The following NEK11 variants were observed in gnomAD, a reference collection of about 807,000 sequenced individuals.
NEK11 encodes serine/threonine-protein kinase Nek11.
Under a neutral mutation model 80.7 loss-of-function variants are expected in NEK11, and 72 were observed. The ratio of observed to expected loss-of-function variants is 0.89; its 90% CI spans 0.74 to 1.08. The LOEUF is 1.08. NEK11 is among the 50% of genes least tolerant of loss of function. The pLI is 0.00. For synonymous variants in NEK11, 251 were observed against 260.7 expected (o/e 0.96, Z 0.36); for missense variants, 764 against 763.6 (o/e 1.00, Z -0.01).
intron 14 of NEK11, among the ~76,000 whole-genome samples, chr3:131,206,667 A>G (rs1240173836): frequency 6.6e-6 from 1 of 151,812 alleles, no homozygotes; most frequent in Non-Finnish European, 1.5e-5. Flanking sequence ...GCATTGTTTT[A>G]TTTATTTATT....
chr3:131,277,999 G>A (rs1357957279), intron 17 of NEK11, among the ~76,000 whole-genome samples: 3 of 152,334 alleles, frequency 2.0e-5, no homozygotes, highest in African/African-American at 7.2e-5. Context: ...CAAGCCAAGT[G>A]TCTGAAGGTG....
At chr3:131,027,561 A>G (rs2064066243) in intron 1 of NEK11, 1 of 152,178 alleles carries the variant, frequency 6.6e-6, no homozygotes, top group Non-Finnish European at 1.5e-5. Flanking sequence ...GCCAGGAGGT[A>G]TGCCAGGGAT....
In NEK11 at chr3:131,304,575, C is replaced by T. The variant is rs577361672; in HGVS notation, c.1718+31001C>T. Among the ~76,000 whole-genome samples the T allele has an allele frequency of 4.6e-5, 7 of 152,088 alleles. 1 individual carries two copies. In the South Asian group the frequency reaches 1.2e-3, roughly 27 times the overall value. The stretch of plus-strand genomic sequence containing the variant: ...TGCTTTCTTGTGGATGGGTTTTTTG[C>T]TTTTATCGTCTTTGATGCCCTTGGG... On this transcript the variant is annotated intron_variant, in intron 17 of 17. Transcript: ENST00000383366.
Position 131,223,833 on chromosome 3 carries a change from C to A in NEK11, c.1400-4695C>A, listed in dbSNP as rs563622463. On this transcript the variant is annotated intron_variant, in intron 14 of 17. Coordinates refer to ENST00000383366, the MANE Select transcript of NEK11 (RefSeq NM_024800.5). ...AAATGCCTGCGGGTTCCTGTGGAGT[C>A]CACAGAAAGGAAACCACAGAGAGGC... is the stretch of plus-strand genomic sequence containing the variant. 9.9e-5 allele frequency among the ~76,000 whole-genome samples: 15 copies of A among 152,086 alleles called. No homozygotes were observed. In the South Asian group the frequency reaches 2.9e-3, roughly 30 times the overall value.
chr3:131,097,396 G>A (rs1434876733), intron 4 of NEK11, among the ~76,000 whole-genome samples: 1 of 151,786 alleles, frequency 6.6e-6, no homozygotes, highest in Non-Finnish European at 1.5e-5. Flanking sequence ...TCCAGCACCT[G>A]TTGTTTCCTG....
intron 3 of NEK11, among the ~76,000 whole-genome samples, chr3:131,067,781 G>C (rs759621431): frequency 6.6e-6 from 1 of 152,188 alleles, no homozygotes; most frequent in Non-Finnish European, 1.5e-5. Flanking sequence ...GATGTTCAAA[G>C]GGTCATTGGG....
At chr3:131,272,558 CT>C (rs921455325) in intron 16 of NEK11, among the ~76,000 whole-genome samples, 1 of 142,990 alleles carries the variant, frequency 7.0e-6, no homozygotes, top group African/African-American at 2.5e-5. Context: ...TCATTGCAAC[CT>C]CCGCCTCCCA....
intron 17 of NEK11, among the ~76,000 whole-genome samples, chr3:131,277,814 C>A (rs2096323027): frequency 6.6e-6 from 1 of 152,206 alleles, no homozygotes; most frequent in Non-Finnish European, 1.5e-5. Context: ...CCTCAGATTT[C>A]TCATCTGTGA....
At chr3:131,290,892 T>G (rs1267794116) in intron 17 of NEK11, among the ~76,000 whole-genome samples, 1 of 152,218 alleles carries the variant, frequency 6.6e-6, no homozygotes, top group Non-Finnish European at 1.5e-5. Flanking sequence ...ATCAATGTCC[T>G]GCACCAAGAT....
chr3:131,102,692 G>A (rs1336163751), intron 4 of NEK11, among the ~76,000 whole-genome samples: 1 of 151,994 alleles, frequency 6.6e-6, no homozygotes, highest in African/African-American at 2.4e-5. Flanking sequence ...AAGGTTCTCT[G>A]TATTTATTCG....
At chr3:131,339,471 C>A (rs1403134215) in intron 17 of NEK11, among the ~76,000 whole-genome samples, 1 of 152,194 alleles carries the variant, frequency 6.6e-6, no homozygotes, top group Non-Finnish European at 1.5e-5. Context: ...TCTAACGGGG[C>A]TTCGGTCTTT....
Position 131,029,666 on chromosome 3 carries a change from A to C in NEK11, c.-43A>C. 1.3e-6 allele frequency: 2 copies of C among 1,585,812 alleles called. No individual in the cohort carries two copies. The highest frequency in any genetic ancestry group is 1.7e-6 in the Non-Finnish European group (2 of 1,158,548). Reference sequence around the variant, plus strand: ...CATTTCTTAGGAGACTGGAATGTTAAGTTTCTATAAATGAATGAACCAGTT... The same window carrying C: ...CATTTCTTAGGAGACTGGAATGTTACGTTTCTATAAATGAATGAACCAGTT... On this transcript the variant is annotated 5_prime_UTR_variant, in exon 3 of 18. Coordinates refer to ENST00000383366, the MANE Select transcript of NEK11 (RefSeq NM_024800.5).
chr3:131,289,581 CGG>C (rs2096521739), intron 17 of NEK11, among the ~76,000 whole-genome samples: 1 of 152,132 alleles, frequency 6.6e-6, no homozygotes, highest in African/African-American at 2.4e-5. Context: ...AGGTGACTGA[CGG>C]GATTTGGTTT....
At chr3:131,055,853 G>A (rs2069371224) in intron 3 of NEK11, among the ~76,000 whole-genome samples, 1 of 152,154 alleles carries the variant, frequency 6.6e-6, no homozygotes. Flanking sequence ...TAAATATTTA[G>A]TCTGACAAAA....
intron 17 of NEK11, among the ~76,000 whole-genome samples, chr3:131,290,835 G>A (rs1011648062): frequency 6.6e-6 from 1 of 152,072 alleles, no homozygotes; most frequent in African/African-American, 2.4e-5. Flanking sequence ...AAGATACAGA[G>A]ATTTCCCATA....
At chr3:131,039,578 C>G (rs1470748787) in intron 3 of NEK11, among the ~76,000 whole-genome samples, 1 of 152,188 alleles carries the variant, frequency 6.6e-6, no homozygotes, top group Middle Eastern at 3.2e-3. Flanking sequence ...CGATCTGGTT[C>G]CTTTTTGACG....
At chr3:131,088,579 G>GT (rs565530722) in intron 4 of NEK11, among the ~76,000 whole-genome samples, 2,757 of 150,850 alleles carry the variant, frequency 0.018, 83 homozygotes, top group African/African-American at 0.06. Flanking sequence ...ATTTCAAATG[G>GT]TTTTTTTTTA....
chr3:131,241,039 A>G (rs982207216), intron 15 of NEK11, among the ~76,000 whole-genome samples: 2 of 152,198 alleles, frequency 1.3e-5, no homozygotes, highest in East Asian at 3.9e-4. Flanking sequence ...AAACTTTATC[A>G]ACCATTTTTG....
chr3:131,286,401 G>A (rs16836272), intron 17 of NEK11, among the ~76,000 whole-genome samples: 2,282 of 152,246 alleles, frequency 0.015, 55 homozygotes, highest in African/African-American at 0.053. Flanking sequence ...AGAGCTGTAA[G>A]TAAACTATGT....
Sources: allele counts gnomAD v4.1 joint callset (sites outside exome capture counted in the v4.1 genomes callset), GRCh38; gene constraint gnomAD v4.1.1; transcripts MANE v1.5; gene names NCBI Gene and HGNC (gene_info 2026-07-23, HGNC 2026-07-21).